The following PCDHA2 variants were observed in gnomAD, a reference collection of about 807,000 sequenced individuals.
PCDHA2 encodes protocadherin alpha-2.
A neutral mutation model predicts 66.0 loss-of-function variants in PCDHA2; 58 were observed. That is an observed-to-expected ratio of 0.88 (90% CI 0.71 to 1.09). The LOEUF (loss-of-function observed/expected upper bound fraction) is 1.09. Ranked by LOEUF, PCDHA2 falls within the 50% of genes least tolerant of loss-of-function variation. The probability of loss-of-function intolerance (pLI) is 0.00; values close to 1 mark genes in which losing one functional copy is unlikely to be tolerated. For missense variants in PCDHA2, 1,267 were observed against 1,242.3 expected, an observed-to-expected ratio of 1.02 and a Z score of -0.30; for synonymous variants, 634 against 554.0, an observed-to-expected ratio of 1.14 and a Z score of -2.03.
Position 140,796,376 on chromosome 5 carries a change from G to C in PCDHA2, c.1412G>C (p.Gly471Ala). The change falls in exon 1 of 4, where the codon GGC (glycine) becomes GCC (alanine). Residue 471 changes from glycine to alanine, a missense_variant. Coordinates refer to ENST00000526136, the MANE Select transcript of PCDHA2 (RefSeq NM_018905.3). ...TVFVKENNPP[G>A]CHIFTVSAWD... ...TTCGTGAAGGAGAACAACCCGCCGG[G>C]CTGCCACATCTTCACGGTGTCAGCG... is the stretch of plus-strand genomic sequence containing the variant. 1 of 1,613,428 alleles carries C rather than the reference G, an allele frequency of 6.2e-7. No individual in the cohort carries two copies. The highest frequency in any genetic ancestry group is 1.1e-5 in the South Asian group (1 of 91,038).
chr5:140,834,301 G>A (rs2150215052), intron 1 of PCDHA2: 1 of 1,289,234 alleles, frequency 7.8e-7, no homozygotes, highest in Non-Finnish European at 1.1e-6. Flanking sequence ...GCCACACATC[G>A]AGATTGAAAT....
In PCDHA2 at chr5:141,010,661, C is replaced by T. The variant is rs1331706826; in HGVS notation, c.*724C>T. ...AACAGTTCAGTGTTTTAACAGAGAA[C>T]CACCCTGGGAAACAGAAGCAGATCT... On this transcript the variant is annotated 3_prime_UTR_variant, in exon 4 of 4. Transcript: ENST00000526136. 6.0e-6 allele frequency: 1 copy of T among 166,290 alleles called. No homozygotes were observed. Among genetic ancestry groups the T allele is most frequent in the Non-Finnish European group, 1.3e-5 (1 of 76,066 alleles). 10.3% of individuals were successfully genotyped at this position (166,290 alleles called of 1,614,324 possible).
chr5:140,887,047 C>G (rs530605993), intron 1 of PCDHA2, among the ~76,000 whole-genome samples: 1 of 151,882 alleles, frequency 6.6e-6, no homozygotes, highest in African/African-American at 2.4e-5. Flanking sequence ...TTTTATAGTG[C>G]ATATGTTCTG....
At chr5:140,801,714 G>T in intron 1 of PCDHA2, 1 of 1,614,128 alleles carries the variant, frequency 6.2e-7, no homozygotes. Flanking sequence ...TTACAGTCTT[G>T]ATTCCACTGA....
chr5:140,823,956 C>T (rs2150130724), intron 1 of PCDHA2: 3 of 1,613,908 alleles, frequency 1.9e-6, no homozygotes, highest in East Asian at 2.2e-5. Context: ...CGCAGCCCAC[C>T]GAGGCCGTGT....
Position 140,858,065 on chromosome 5 carries a change from C to T in PCDHA2, c.2388+60713C>T, listed in dbSNP as rs200661444. 1.2e-3 allele frequency: 1,989 copies of T among 1,597,646 alleles called. 147 individuals carry two copies. Among genetic ancestry groups the T allele is most frequent in the Non-Finnish European group, 1.1e-3 (1,233 of 1,167,558 alleles). Reference sequence around the variant, plus strand: ...GCTTGTGTCGCTTGTGGAGGGCAGCCAGGCACCCAAGGCCTCGTCGCGGGC... The same window carrying T: ...GCTTGTGTCGCTTGTGGAGGGCAGCTAGGCACCCAAGGCCTCGTCGCGGGC... On this transcript the variant is annotated intron_variant, in intron 1 of 3. Transcript: ENST00000526136.
intron 1 of PCDHA2, among the ~76,000 whole-genome samples, chr5:140,965,278 C>T (rs1554227554): frequency 6.6e-6 from 1 of 152,176 alleles, no homozygotes; most frequent in African/African-American, 2.4e-5. Flanking sequence ...AATGACACAG[C>T]ATGGAAAGAT....
At chr5:140,835,869 G>C (rs781933371) in intron 1 of PCDHA2, 2 of 1,612,094 alleles carry the variant, frequency 1.2e-6, no homozygotes, top group Non-Finnish European at 8.5e-7. Context: ...CTCGCTGGTG[G>C]AGCTGCGGGT....
In PCDHA2 at chr5:140,824,615, T is replaced by TG. The variant is rs1195516924; in HGVS notation, c.2388+27263_2388+27264insG. 2.4e-5 allele frequency: 3 copies of TG among 126,010 alleles called. No individual in the cohort carries two copies. The East Asian group carries it at 6.2e-4, about 26-fold the overall frequency. 7.8% of individuals were successfully genotyped at this position (126,010 alleles called of 1,614,324 possible). On this transcript the variant is annotated intron_variant, in intron 1 of 3. Transcript: ENST00000526136. ...ACATGCACATGCTAATTAAAGTTTT[T>TG]TTTTTTTTTTTTTTTTTATTTTCTG...
At chr5:140,967,453 C>T in intron 1 of PCDHA2, 1 of 1,613,556 alleles carries the variant, frequency 6.2e-7, no homozygotes, top group South Asian at 1.1e-5. Context: ...TTCTCACAGC[C>T]GTGGATGGGG....
intron 1 of PCDHA2, chr5:140,828,238 G>A (rs2150152865): frequency 3.7e-6 from 6 of 1,613,818 alleles, no homozygotes; most frequent in Non-Finnish European, 5.1e-6. Context: ...GCCGGATCGC[G>A]CAGGACCTGG....
At chr5:140,927,891 GA>G (rs1554205193) in intron 1 of PCDHA2, 1 of 1,614,192 alleles carries the variant, frequency 6.2e-7, no homozygotes, top group Admixed American at 1.7e-5. Context: ...TGACTGACGT[GA>G]ACGATCATGC....
At chr5:140,911,365 TG>T (rs1554194694) in intron 1 of PCDHA2, among the ~76,000 whole-genome samples, 1 of 152,218 alleles carries the variant, frequency 6.6e-6, no homozygotes, top group East Asian at 1.9e-4. Flanking sequence ...AGTAGACACC[TG>T]GCAAGGCTGT....
intron 1 of PCDHA2, chr5:140,821,636 AAAG>A (rs1425064126): frequency 3.9e-6 from 4 of 1,021,456 alleles, no homozygotes; most frequent in Non-Finnish European, 4.2e-6. Context: ...ACAGAAAGGA[AAAG>A]AACCTTCCAT....
Position 140,807,749 on chromosome 5 carries a change from C to T in PCDHA2, c.2388+10397C>T, listed in dbSNP as rs782346248. 7 of 1,614,138 alleles carry T rather than the reference C, an allele frequency of 4.3e-6. No homozygotes were observed. In the Admixed American group the frequency reaches 1.2e-4, roughly 27 times the overall value. Reference sequence around the variant, plus strand: ...TCTGGAAAAACCACCTGATGACGAGCTGGTAAAAGGTCTTGGGCTTATATT... The same window carrying T: ...TCTGGAAAAACCACCTGATGACGAGTTGGTAAAAGGTCTTGGGCTTATATT... On this transcript the variant is annotated intron_variant, in intron 1 of 3. Transcript: ENST00000526136.
intron 1 of PCDHA2, among the ~76,000 whole-genome samples, chr5:140,872,228 T>C (rs2053555588): frequency 6.6e-6 from 1 of 152,222 alleles, no homozygotes. Context: ...CAATCTTTAC[T>C]TTTGTCTTTA....
chr5:140,949,172 A>G (rs574592967), intron 1 of PCDHA2, among the ~76,000 whole-genome samples: 3 of 151,856 alleles, frequency 2.0e-5, no homozygotes, highest in African/African-American at 7.2e-5. Context: ...TCTTTTGGTC[A>G]GAGAACATAC....
chr5:140,898,414 C>T (rs1554187972), intron 1 of PCDHA2, among the ~76,000 whole-genome samples: 1 of 152,170 alleles, frequency 6.6e-6, no homozygotes, highest in Non-Finnish European at 1.5e-5. Flanking sequence ...ATACGGCTAG[C>T]CAGTTTTCCC....
chr5:140,845,771 A>C (rs1034344709), intron 1 of PCDHA2, among the ~76,000 whole-genome samples: 1 of 149,762 alleles, frequency 6.7e-6, no homozygotes, highest in African/African-American at 2.4e-5. Flanking sequence ...GTTAATAGTT[A>C]TAAATTATTA....
Sources: gnomAD v4.1 joint callset for allele counts (sites outside exome capture counted in the v4.1 genomes callset) on GRCh38, gnomAD v4.1.1 for gene constraint, MANE v1.5 for transcripts, NCBI Gene and HGNC (gene_info 2026-07-23, HGNC 2026-07-21) for gene names.